The following CERS6 variants were observed in gnomAD, a reference collection of about 807,000 sequenced individuals.
CERS6 encodes the protein ceramide synthase 6.
Under a neutral mutation model 56.8 loss-of-function variants are expected in CERS6, and 26 were observed. That is an observed-to-expected ratio of 0.46 (90% CI 0.34 to 0.63). The LOEUF is 0.63. Among genes scored for constraint, CERS6 ranks in the 30% least tolerant of loss-of-function variants. CERS6 has a pLI of 0.01. For synonymous variants in CERS6, 164 were observed against 173.3 expected, an observed-to-expected ratio of 0.95 and a Z score of 0.42; for missense variants, 415 against 467.5, an observed-to-expected ratio of 0.89 and a Z score of 1.04.
At chr2:168,549,706 AG>A (rs1283417284) in intron 2 of CERS6, among the ~76,000 whole-genome samples, 2 of 152,196 alleles carry the variant, frequency 1.3e-5, no homozygotes, top group Non-Finnish European at 2.9e-5. Flanking sequence ...TTAGTTTCCA[AG>A]GTGATTCCTT....
chr2:168,561,092 T>G, intron 2 of CERS6, 100 bp from the exon 3 acceptor site: 1 of 1,282,232 alleles, frequency 7.8e-7, no homozygotes, highest in Non-Finnish European at 1.1e-6. Context: ...TAGTAAACAA[T>G]AGGGGGAAAA....
At chr2:168,549,270 T>C (rs181173361) in intron 2 of CERS6, among the ~76,000 whole-genome samples, 190 of 152,360 alleles carry the variant, frequency 1.2e-3, no homozygotes, top group African/African-American at 4.4e-3. Context: ...CCTTATGTTT[T>C]TTACAGTTAC....
intron 8 of CERS6, among the ~76,000 whole-genome samples, chr2:168,720,503 G>T (rs2105396462): frequency 6.6e-6 from 1 of 152,228 alleles, no homozygotes; most frequent in Non-Finnish European, 1.5e-5. Flanking sequence ...TCTGCTGTTT[G>T]CTGCGTCCGT....
At chr2:168,703,714 C>G (rs1199284562) in intron 6 of CERS6, among the ~76,000 whole-genome samples, 2 of 152,158 alleles carry the variant, frequency 1.3e-5, no homozygotes, top group African/African-American at 4.8e-5. Flanking sequence ...CTTGTAACCT[C>G]ACTCCTGCTA....
chr2:168,710,158 C>G (rs929946467), intron 6 of CERS6, among the ~76,000 whole-genome samples: 1 of 152,180 alleles, frequency 6.6e-6, no homozygotes, highest in African/African-American at 2.4e-5. Flanking sequence ...AAAAACAAGG[C>G]TCTTGTTTTT....
intron 1 of CERS6, among the ~76,000 whole-genome samples, chr2:168,497,257 T>A (rs1434240445): frequency 6.6e-6 from 1 of 152,188 alleles, no homozygotes; most frequent in Non-Finnish European, 1.5e-5. Flanking sequence ...CTAGAAGGAA[T>A]TAACTTGGAT....
chr2:168,650,038 G>A (rs989082467), intron 4 of CERS6, among the ~76,000 whole-genome samples: 2 of 152,090 alleles, frequency 1.3e-5, no homozygotes, highest in East Asian at 1.9e-4. Flanking sequence ...TTAACAAATA[G>A]GGGAAAAAAG....
Position 168,456,635 on chromosome 2 carries a change from C to T in CERS6, c.170+17C>T. ...CTTCGAGAGGTAAGAAGGGCTGAAGCCCCTCCTCCCCTCCCCCTGCGCACA... is the reference window on the plus strand; with the variant it reads ...CTTCGAGAGGTAAGAAGGGCTGAAGTCCCTCCTCCCCTCCCCCTGCGCACA... On this transcript the variant is annotated intron_variant, in intron 1 of 9. Coordinates refer to ENST00000305747, the MANE Select transcript of CERS6 (RefSeq NM_203463.3). The surrounding 1 kb of genome is among the most constrained non-coding windows in gnomAD (Gnocchi z 4.1). 6.2e-7 allele frequency: 1 copy of T among 1,610,004 alleles called. No homozygotes were observed. The highest frequency in any genetic ancestry group is 8.5e-7 in the Non-Finnish European group (1 of 1,177,408).
chr2:168,470,212 CAAAAAAAAAA>C (rs752453936), intron 1 of CERS6, among the ~76,000 whole-genome samples: 2 of 105,678 alleles, frequency 1.9e-5, no homozygotes, highest in South Asian at 3.2e-4. Flanking sequence ...CCAACTCTAC[CAAAAAAAAAA>C]AAAAAAAAAA....
At chr2:168,622,678 A>G (rs918790782) in intron 3 of CERS6, among the ~76,000 whole-genome samples, 12 of 152,210 alleles carry the variant, frequency 7.9e-5, no homozygotes, top group African/African-American at 2.9e-4. Flanking sequence ...AAGACTTTGC[A>G]TTGATAATTC....
chr2:168,750,205 T>C (rs950540085), intron 8 of CERS6, among the ~76,000 whole-genome samples: 6 of 152,366 alleles, frequency 3.9e-5, no homozygotes, highest in African/African-American at 1.4e-4. Flanking sequence ...AAAAATCTGT[T>C]GCACTCTTTG....
chr2:168,650,162 A>G (rs1266704961), intron 4 of CERS6, among the ~76,000 whole-genome samples: 1 of 152,210 alleles, frequency 6.6e-6, no homozygotes, highest in Non-Finnish European at 1.5e-5. Context: ...TAATTCTGAC[A>G]TCAGGGGAAT....
intron 8 of CERS6, among the ~76,000 whole-genome samples, chr2:168,725,845 C>T (rs530594132): frequency 1.3e-5 from 2 of 152,330 alleles, no homozygotes; most frequent in South Asian, 4.1e-4. Context: ...CTCTCCTCAA[C>T]TCAAAAATCT....
intron 8 of CERS6, among the ~76,000 whole-genome samples, chr2:168,743,297 G>T (rs1213155103): frequency 4.6e-5 from 7 of 151,880 alleles, no homozygotes; most frequent in Non-Finnish European, 1.0e-4. Context: ...AGAAGAGGCA[G>T]CTTGAGGCAA....
At chr2:168,527,722 C>G (rs1324359273) in intron 1 of CERS6, among the ~76,000 whole-genome samples, 2 of 152,050 alleles carry the variant, frequency 1.3e-5, no homozygotes, top group South Asian at 2.1e-4. Flanking sequence ...AGGGCCCCCC[C>G]GCCATCCATT....
intron 2 of CERS6, among the ~76,000 whole-genome samples, chr2:168,555,576 A>G (rs1695660297): frequency 1.3e-5 from 2 of 152,072 alleles, no homozygotes; most frequent in Non-Finnish European, 2.9e-5. Flanking sequence ...GTTTTACCAA[A>G]GGCAGCTAAA....
chr2:168,584,893 G>A (rs1427887341), intron 3 of CERS6, among the ~76,000 whole-genome samples: 1 of 152,226 alleles, frequency 6.6e-6, no homozygotes, highest in Non-Finnish European at 1.5e-5. Context: ...ATGGTTGGAG[G>A]AAGTAGAAAA....
intron 7 of CERS6, among the ~76,000 whole-genome samples, chr2:168,717,242 T>C (rs1221687205): frequency 1.3e-5 from 2 of 152,146 alleles, no homozygotes; most frequent in African/African-American, 2.4e-5. Flanking sequence ...ATTCATGTAG[T>C]TTTGAAAATT....
rs146115057 is a variant in CERS6, at chr2:168,712,852, G to C, written c.610-2149G>C. Among the ~76,000 whole-genome samples, 528 of 152,032 alleles carry C rather than the reference G, an allele frequency of 3.5e-3. 4 individuals carry two copies. Among genetic ancestry groups the C allele is most frequent in the African/African-American group, 0.012 (506 of 41,450 alleles). On this transcript the variant is annotated intron_variant, in intron 6 of 9. Transcript: ENST00000305747. The stretch of plus-strand genomic sequence containing the variant: ...TTCTCCCCATCTCTCTGTAAGACTA[G>C]CTTCCTCATCATCTTTAAGTCACCT...
Sources: gnomAD v4.1 joint callset for allele counts (sites outside exome capture counted in the v4.1 genomes callset) on GRCh38, gnomAD v4.1.1 for gene constraint, Gnocchi (gnomAD v3.1) non-coding constraint, MANE v1.5 for transcripts, NCBI Gene and HGNC (gene_info 2026-07-23, HGNC 2026-07-21) for gene names.